Variants in ROBO2 observed in about 807,000 individuals in gnomAD.
The protein encoded by ROBO2 is roundabout guidance receptor 2.
ROBO2 carries 53 observed loss-of-function variants against 160.8 expected under a neutral mutation model. The ratio of observed to expected loss-of-function variants is 0.33; its 90% CI spans 0.26 to 0.41. The LOEUF is 0.41. ROBO2 is among the 10% of genes least tolerant of loss of function. ROBO2 has a pLI of 1.00. For synonymous variants in ROBO2, 664 were observed against 611.7 expected, an observed-to-expected ratio of 1.09 and a Z score of -1.26; for missense variants, 1,577 against 1,722.4, an observed-to-expected ratio of 0.92 and a Z score of 1.49.
chr3:77,324,562 G>A (rs12633763), intron 2 of ROBO2, among the ~76,000 whole-genome samples: 23,242 of 151,898 alleles, frequency 0.15, 1,988 homozygotes, highest in Admixed American at 0.27. Flanking sequence ...GGCGGATCAC[G>A]AGGTCAGGAG....
chr3:77,193,226 AG>A (rs554130953), intron 2 of ROBO2, among the ~76,000 whole-genome samples: 30 of 151,884 alleles, frequency 2.0e-4, no homozygotes, highest in Non-Finnish European at 4.0e-4. Context: ...ATTACATGGA[AG>A]GGATTCTTGT....
intron 22 of ROBO2, among the ~76,000 whole-genome samples, chr3:77,619,809 C>T (rs1283962875): frequency 6.6e-6 from 1 of 152,142 alleles, no homozygotes; most frequent in African/African-American, 2.4e-5. Context: ...AGATTACCTC[C>T]CAGGAGTAGA....
At chr3:77,023,646 A>G (rs560907709) in intron 2 of ROBO2, among the ~76,000 whole-genome samples, 15 of 152,198 alleles carry the variant, frequency 9.9e-5, no homozygotes, top group Non-Finnish European at 2.2e-4. Flanking sequence ...TGCTAAAAGG[A>G]TATAGTCTTG....
At chr3:76,060,763 T>G (rs2107883714) in intron 2 of ROBO2, among the ~76,000 whole-genome samples, 1 of 152,340 alleles carries the variant, frequency 6.6e-6, no homozygotes, top group Middle Eastern at 3.4e-3. Flanking sequence ...TCCTTCTTAC[T>G]GCTATGTGAA....
chr3:77,200,315 A>ATT lies in ROBO2; in HGVS notation c.388+101976_388+101977insTT, dbSNP rs1256968607. ...TATATATATATATATATATATATAT[A>ATT]TATATATTTTAGTTTCTATAGGTAA... On this transcript the variant is annotated intron_variant, in intron 2 of 25. Transcript: ENST00000461745. Among the ~76,000 whole-genome samples the ATT allele has an allele frequency of 1.3e-4, 11 of 87,598 alleles. No homozygotes were observed. In the East Asian group the frequency reaches 4.4e-3, roughly 35 times the overall value. The allele number at this position is 87,598 out of a possible 152,430, so 57.5% of individuals were successfully genotyped here.
At chr3:76,631,820 C>CTT (rs1317122128) in intron 2 of ROBO2, among the ~76,000 whole-genome samples, 2 of 152,108 alleles carry the variant, frequency 1.3e-5, no homozygotes, top group Non-Finnish European at 2.9e-5. Flanking sequence ...AGATAAGTAA[C>CTT]TTTAAGTACT....
intron 2 of ROBO2, among the ~76,000 whole-genome samples, chr3:76,415,331 T>C: frequency 6.6e-6 from 1 of 152,198 alleles, no homozygotes; most frequent in East Asian, 1.9e-4. Flanking sequence ...GAGAAATGTA[T>C]GCCTCTCAGA....
chr3:76,333,887 C>G (rs1343504543), intron 2 of ROBO2, among the ~76,000 whole-genome samples: 1 of 152,110 alleles, frequency 6.6e-6, no homozygotes, highest in Non-Finnish European at 1.5e-5. Context: ...CAAACTATCG[C>G]AAGGACAAAA....
intron 2 of ROBO2, among the ~76,000 whole-genome samples, chr3:77,445,298 C>T (rs899044076): frequency 1.3e-4 from 20 of 152,150 alleles, no homozygotes; most frequent in African/African-American, 4.1e-4. Context: ...TATCTCAGGA[C>T]TTCTTAAAAC....
intron 8 of ROBO2, among the ~76,000 whole-genome samples, chr3:77,552,510 A>G (rs977979466): frequency 6.6e-6 from 1 of 152,036 alleles, no homozygotes; most frequent in Non-Finnish European, 1.5e-5. Flanking sequence ...GCCTTACACT[A>G]GCTCATGCTA....
intron 2 of ROBO2, among the ~76,000 whole-genome samples, chr3:76,963,965 C>A (rs1431893348): frequency 6.6e-6 from 1 of 151,914 alleles, no homozygotes; most frequent in Non-Finnish European, 1.5e-5. Context: ...TTCCTGTCTC[C>A]AGGACCAAAT....
At chr3:77,229,339 A>G (rs750170117) in intron 2 of ROBO2, among the ~76,000 whole-genome samples, 13 of 152,190 alleles carry the variant, frequency 8.5e-5, no homozygotes, top group Non-Finnish European at 1.6e-4. Flanking sequence ...TAATATTATT[A>G]CTATACTATG....
At chr3:76,036,316 A>G (rs2067106276) in intron 2 of ROBO2, among the ~76,000 whole-genome samples, 1 of 150,926 alleles carries the variant, frequency 6.6e-6, no homozygotes, top group Admixed American at 6.6e-5. Flanking sequence ...CGCCCAGTTA[A>G]TTTTTGTATT....
At chr3:76,852,540 G>A (rs1040924665) in intron 2 of ROBO2, among the ~76,000 whole-genome samples, 2 of 152,124 alleles carry the variant, frequency 1.3e-5, no homozygotes, top group Non-Finnish European at 2.9e-5. Flanking sequence ...CTTCAGAGTT[G>A]TTGAATATTT....
intron 2 of ROBO2, among the ~76,000 whole-genome samples, chr3:76,462,642 G>A (rs2078149243): frequency 6.6e-6 from 1 of 151,116 alleles, no homozygotes; most frequent in South Asian, 2.1e-4. Context: ...CACTATAAAG[G>A]AAAATACCAG....
At chr3:76,764,132 T>C (rs2061453145) in intron 2 of ROBO2, among the ~76,000 whole-genome samples, 2 of 151,730 alleles carry the variant, frequency 1.3e-5, no homozygotes, top group Admixed American at 1.3e-4. Flanking sequence ...GTGTGTTTTG[T>C]CCTTTGAGAA....
chr3:77,377,206 T>A (rs912330104), intron 2 of ROBO2, among the ~76,000 whole-genome samples: 4 of 152,140 alleles, frequency 2.6e-5, no homozygotes, highest in Non-Finnish European at 5.9e-5. Context: ...TTCAAAAGTA[T>A]AAAGGAATAA....
intron 2 of ROBO2, among the ~76,000 whole-genome samples, chr3:76,566,865 C>A (rs1358861642): frequency 1.3e-5 from 2 of 152,104 alleles, no homozygotes; most frequent in Non-Finnish European, 2.9e-5. Flanking sequence ...GAAACAACAG[C>A]CCAATTCTGC....
At chr3:77,441,864 A>AT (rs2079951431) in intron 2 of ROBO2, among the ~76,000 whole-genome samples, 1 of 152,150 alleles carries the variant, frequency 6.6e-6, no homozygotes, top group Non-Finnish European at 1.5e-5. Flanking sequence ...TACAATGGTC[A>AT]TTTTTTGCTG....
Sources: gnomAD v4.1 joint callset for allele counts (sites outside exome capture counted in the v4.1 genomes callset) on GRCh38, gnomAD v4.1.1 for gene constraint, MANE v1.5 for transcripts, NCBI Gene and HGNC (gene_info 2026-07-23, HGNC 2026-07-21) for gene names.